The following BTBD9 variants were observed in gnomAD, a reference collection of about 807,000 sequenced individuals.
BTBD9 encodes BTB domain containing 9.
Under a neutral mutation model 64.3 loss-of-function variants are expected in BTBD9, and 49 were observed. That is an observed-to-expected ratio of 0.76 (90% CI 0.61 to 0.97). BTBD9 has a LOEUF of 0.97. Ranked by LOEUF, BTBD9 falls within the 50% of genes least tolerant of loss-of-function variation. The probability of loss-of-function intolerance (pLI) is 0.00; values close to 1 mark genes in which losing one functional copy is unlikely to be tolerated. For synonymous variants in BTBD9, 260 were observed against 274.7 expected (o/e 0.95, Z 0.53); for missense variants, 598 against 762.1 (o/e 0.78, Z 2.53).
At chr6:38,211,503 G>A (rs995717754) in intron 9 of BTBD9, among the ~76,000 whole-genome samples, 3 of 151,306 alleles carry the variant, frequency 2.0e-5, no homozygotes, top group African/African-American at 7.3e-5. Context: ...AGCACTGTGA[G>A]AGGCCTAGGT....
intron 6 of BTBD9, among the ~76,000 whole-genome samples, chr6:38,449,502 A>C (rs2127330273): frequency 6.6e-6 from 1 of 151,812 alleles, no homozygotes; most frequent in South Asian, 2.1e-4. Flanking sequence ...AAAAGTGGCA[A>C]GAATATACAA....
intron 6 of BTBD9, among the ~76,000 whole-genome samples, chr6:38,362,667 T>A (rs756129931): frequency 1.4e-4 from 21 of 152,220 alleles, no homozygotes; most frequent in Non-Finnish European, 2.8e-4. Context: ...AAATCCTTTT[T>A]ATAAGGTAGC....
chr6:38,400,097 T>C (rs921259418), intron 6 of BTBD9, among the ~76,000 whole-genome samples: 29 of 152,034 alleles, frequency 1.9e-4, no homozygotes, highest in African/African-American at 7.0e-4. Flanking sequence ...GGCTTTCCTG[T>C]CACTCTTCCT....
At chr6:38,509,076 C>T (rs1772666643) in intron 6 of BTBD9, among the ~76,000 whole-genome samples, 1 of 152,210 alleles carries the variant, frequency 6.6e-6, no homozygotes, top group African/African-American at 2.4e-5. Flanking sequence ...AATGCACAGC[C>T]AGCACTGAGG....
chr6:38,336,675 T>C (rs1763906393), intron 7 of BTBD9, among the ~76,000 whole-genome samples: 1 of 152,118 alleles, frequency 6.6e-6, no homozygotes, highest in Non-Finnish European at 1.5e-5. Flanking sequence ...CGCCAAACCA[T>C]ATCCCTGACC....
chr6:38,175,230 G>A (rs762062596), intron 10 of BTBD9, 48 bp from the exon 11 acceptor site: 1 of 1,596,584 alleles, frequency 6.3e-7, no homozygotes, highest in Non-Finnish European at 8.6e-7. Context: ...TCAGCATGCG[G>A]CCCTGGAGTT....
At chr6:38,383,738 G>A (rs1378351210) in intron 6 of BTBD9, among the ~76,000 whole-genome samples, 7 of 152,154 alleles carry the variant, frequency 4.6e-5, no homozygotes, top group Non-Finnish European at 1.5e-5. Context: ...AACTGGTAAC[G>A]TTCCATCTGT....
At chr6:38,533,132 A>T (rs768121703) in intron 6 of BTBD9, among the ~76,000 whole-genome samples, 52 of 152,146 alleles carry the variant, frequency 3.4e-4, no homozygotes, top group Middle Eastern at 3.4e-3. Flanking sequence ...ATAATAATAA[A>T]AAAAACAAGA....
At chr6:38,439,091 A>T (rs1250898525) in intron 6 of BTBD9, among the ~76,000 whole-genome samples, 1 of 143,264 alleles carries the variant, frequency 7.0e-6, no homozygotes, top group African/African-American at 2.6e-5. Flanking sequence ...GGGGTCTTGT[A>T]GGCTCGTGTA....
intron 6 of BTBD9, among the ~76,000 whole-genome samples, chr6:38,562,024 C>T (rs947086287): frequency 2.0e-5 from 3 of 152,130 alleles, no homozygotes; most frequent in Non-Finnish European, 4.4e-5. Flanking sequence ...GCAGATAATG[C>T]CATTTTCAAA....
chr6:38,603,051 A>G (rs1433178953), intron 1 of BTBD9, among the ~76,000 whole-genome samples: 1 of 152,076 alleles, frequency 6.6e-6, no homozygotes, highest in African/African-American at 2.4e-5. Context: ...ACTGTCCTGG[A>G]GTCTAAACTT....
intron 1 of BTBD9, among the ~76,000 whole-genome samples, chr6:38,622,820 G>C (rs930456588): frequency 6.6e-6 from 1 of 152,102 alleles, no homozygotes; most frequent in Non-Finnish European, 1.5e-5. Context: ...CATTCAGATG[G>C]CTTGTCGCCC....
intron 6 of BTBD9, among the ~76,000 whole-genome samples, chr6:38,389,221 T>C (rs989954699): frequency 6.6e-6 from 1 of 152,236 alleles, no homozygotes; most frequent in Non-Finnish European, 1.5e-5. Context: ...GAAAGTTTCA[T>C]TTCCTTTAAC....
At chr6:38,457,560 T>C (rs1481650609) in intron 6 of BTBD9, among the ~76,000 whole-genome samples, 1 of 152,088 alleles carries the variant, frequency 6.6e-6, no homozygotes, top group African/African-American at 2.4e-5. Context: ...TAGTGACATT[T>C]AGTGGGATGG....
chr6:38,480,820 G>A (rs1035128172), intron 6 of BTBD9, among the ~76,000 whole-genome samples: 1 of 152,066 alleles, frequency 6.6e-6, no homozygotes, highest in Non-Finnish European at 1.5e-5. Context: ...AAGATTTGGC[G>A]CTTCCCAAAC....
chr6:38,233,139 T>C (rs1763667756), intron 9 of BTBD9, among the ~76,000 whole-genome samples: 1 of 152,178 alleles, frequency 6.6e-6, no homozygotes, highest in Non-Finnish European at 1.5e-5. Context: ...TCCCTAGTGA[T>C]AACCTTTATC....
intron 9 of BTBD9, among the ~76,000 whole-genome samples, chr6:38,200,810 T>C (rs1349109703): frequency 6.6e-6 from 1 of 152,184 alleles, no homozygotes; most frequent in Non-Finnish European, 1.5e-5. Context: ...ACCTGATGGA[T>C]TCACTGACAA....
Position 38,238,550 on chromosome 6 carries a change from G to A in BTBD9, c.1562+17859C>T, listed in dbSNP as rs1175095521. ...TGCAGTGGCACGATCTCGGCTCACT[G>A]CAAGCTCCACCTCCCGGGTTCACAC... is the stretch of plus-strand genomic sequence containing the variant. On this transcript the variant is annotated intron_variant, in intron 9 of 10. Coordinates refer to ENST00000481247, the MANE Select transcript of BTBD9 (RefSeq NM_001099272.2). Among the ~76,000 whole-genome samples, 4 of 142,424 alleles carry A rather than the reference G, an allele frequency of 2.8e-5. No individual in the cohort carries two copies. The East Asian group carries it at 8.3e-4, about 30-fold the overall frequency. The allele number at this position is 142,424 out of a possible 152,430, so 93.4% of individuals were successfully genotyped here. A position where few individuals can be genotyped will look rare whatever the true frequency, so the allele number is the denominator to read the frequency against.
intron 8 of BTBD9, among the ~76,000 whole-genome samples, chr6:38,283,613 T>A (rs1761605904): frequency 6.6e-6 from 1 of 152,200 alleles, no homozygotes; most frequent in Non-Finnish European, 1.5e-5. Flanking sequence ...CACACCATCA[T>A]GTTTGAGACC....
Sources: gnomAD v4.1 joint callset for allele counts (sites outside exome capture counted in the v4.1 genomes callset) on GRCh38, gnomAD v4.1.1 for gene constraint, MANE v1.5 for transcripts, NCBI Gene and HGNC (gene_info 2026-07-23, HGNC 2026-07-21) for gene names.